ANKRD17: variants seen among roughly 807,000 people sequenced by gnomAD.
ANKRD17 encodes ankyrin repeat domain 17, also known as ankyrin repeat domain-containing protein 17.
In ANKRD17, 19 loss-of-function variants were observed where a neutral mutation model predicts 229.7. The observed-to-expected ratio is 0.08, with a 90% CI of 0.06 to 0.12. The LOEUF is 0.12. ANKRD17 is among the 10% of genes least tolerant of loss of function. ANKRD17 has a pLI of 1.00. For missense variants in ANKRD17, 2,176 were observed against 3,176.8 expected, an observed-to-expected ratio of 0.68 and a Z score of 7.57; for synonymous variants, 1,112 against 1,146.1, an observed-to-expected ratio of 0.97 and a Z score of 0.60.
intron 28 of ANKRD17, 151 bp downstream of exon 28, chr4:73,093,928 A>G: frequency 1.3e-6 from 1 of 744,356 alleles, no homozygotes; most frequent in South Asian, 2.9e-5. Flanking sequence ...AAAGAAAACT[A>G]TAAAATTTAT....
chr4:73,124,828 G>C, intron 18 of ANKRD17, 85 bp downstream of exon 18: 1 of 1,489,340 alleles, frequency 6.7e-7, no homozygotes, highest in Non-Finnish European at 9.1e-7. Context: ...TCAAAGCATT[G>C]TTCTGATAGA....
chr4:73,177,027 T>C (rs1005210188), intron 2 of ANKRD17, among the ~76,000 whole-genome samples: 38 of 152,216 alleles, frequency 2.5e-4, no homozygotes, highest in Admixed American at 5.9e-4. Context: ...GTGATTCAAA[T>C]GTTCCACCAC....
In ANKRD17 at chr4:73,161,225, G is replaced by A; in HGVS notation, c.671C>T (p.Ala224Val). The A allele has an allele frequency of 1.2e-6, 2 of 1,614,212 alleles. No individual in the cohort carries two copies. The highest frequency in any genetic ancestry group is 8.5e-7 in the Non-Finnish European group (1 of 1,180,038). The change falls in exon 3 of 34, where the codon GCT becomes GTT. Residue 224 changes from alanine to valine, a missense_variant. By Grantham distance (64) the Ala-to-Val change is moderately conservative. This residue lies in a region of ANKRD17 where 184 missense variants were observed against 357.8 expected (regional missense o/e 0.51). Transcript: ENST00000358602. Reference protein sequence around the residue: ...EAAAALTRMRAESTANAGQSD... With the variant: ...EAAAALTRMRVESTANAGQSD... ...CTGCCCTGCATTTGCTGTGCTTTCA[G>A]CTCTCATACGGGTAAGTGCAGCAGC...
At chr4:73,235,894 G>A (rs1019053810) in intron 1 of ANKRD17, among the ~76,000 whole-genome samples, 1 of 151,890 alleles carries the variant, frequency 6.6e-6, no homozygotes. Flanking sequence ...AATAGAGACA[G>A]GGTCTCACTA....
At chr4:73,252,945 A>G (rs1217357431) in intron 1 of ANKRD17, among the ~76,000 whole-genome samples, 1 of 152,230 alleles carries the variant, frequency 6.6e-6, no homozygotes, top group East Asian at 1.9e-4. Context: ...TGGCCGTCCA[A>G]CTGCAAAAAA....
chr4:73,074,368 G>T lies in ANKRD17; in HGVS notation c.*1863C>A, dbSNP rs1720878760. On this transcript the variant is annotated 3_prime_UTR_variant, in exon 34 of 34. Transcript: ENST00000358602. The stretch of plus-strand genomic sequence containing the variant: ...AATTTTATGTATAGAATAGTGGCAA[G>T]TCATATATAAAATACTTCGTTAAAT... 6.6e-6 allele frequency: 1 copy of T among 151,926 alleles called. No homozygotes were observed. The highest frequency in any genetic ancestry group is 1.5e-5 in the Non-Finnish European group (1 of 67,868). The allele number at this position is 151,926 out of a possible 1,614,324, so 9.4% of individuals were successfully genotyped here.
At chr4:73,175,136 A>G (rs951340956) in intron 2 of ANKRD17, among the ~76,000 whole-genome samples, 1 of 152,238 alleles carries the variant, frequency 6.6e-6, no homozygotes, top group Non-Finnish European at 1.5e-5. Context: ...TCAAGAAAAG[A>G]GGTTTAATTG....
At chr4:73,090,629 A>C (rs1262960741) in intron 29 of ANKRD17, 38 bp downstream of exon 29, 1 of 1,611,338 alleles carries the variant, frequency 6.2e-7, no homozygotes, top group South Asian at 1.1e-5. Flanking sequence ...CACTTGTGCA[A>C]ATGAACAGCT....
chr4:73,171,222 A>AGAGAGG (rs1733994626), intron 2 of ANKRD17, among the ~76,000 whole-genome samples: 1 of 138,118 alleles, frequency 7.2e-6, no homozygotes, highest in Non-Finnish European at 1.6e-5. Flanking sequence ...AGAGAGAGAG[A>AGAGAGG]CTGAGACTCC....
At chr4:73,079,028 G>T (rs954754213) in intron 30 of ANKRD17, 138 bp from the exon 31 acceptor site, 6 of 1,075,556 alleles carry the variant, frequency 5.6e-6, no homozygotes, top group Non-Finnish European at 7.7e-6. Flanking sequence ...ACTTAAAAAT[G>T]ATGCATATTA....
At chr4:73,155,312 C>T (rs796865635) in intron 5 of ANKRD17, among the ~76,000 whole-genome samples, 13 of 152,244 alleles carry the variant, frequency 8.5e-5, no homozygotes, top group African/African-American at 3.1e-4. Flanking sequence ...CATTCCTCTC[C>T]TAAAAAACTG....
chr4:73,078,205 C>T lies in ANKRD17; in HGVS notation c.7408+437G>A, dbSNP rs573624761. On this transcript the variant is annotated intron_variant, in intron 31 of 33. Transcript: ENST00000358602. The stretch of plus-strand genomic sequence containing the variant: ...CATCCTGGCTAACACGGTGAAACCC[C>T]GTCTCTACTAAAAATACAAAAATTA... Among the ~76,000 whole-genome samples the T allele has an allele frequency of 2.0e-5, 3 of 152,022 alleles. No individual in the cohort carries two copies. In the East Asian group the frequency reaches 5.8e-4, roughly 29 times the overall value.
At position 73,098,135 on chromosome 4, in the gene ANKRD17, T is replaced by C. The variant is rs772370985; in HGVS notation, c.4959A>G (p.Pro1653=). 1.2e-6 allele frequency: 2 copies of C among 1,613,782 alleles called. No individual in the cohort carries two copies. Among genetic ancestry groups the C allele is most frequent in the Non-Finnish European group, 8.5e-7 (1 of 1,179,684 alleles). ...CCTTTGGAAATGTAACAAGAACTGA[T>C]GGCTGCTTTTTGCTGCTCACAGTGG... ...VTTTVSSKKQ[P]SVLVTFPKEE... Residue 1653 remains proline (P), a synonymous_variant, in exon 26 of 34, where the codon CCA becomes CCG. Transcript: ENST00000358602.
intron 24 of ANKRD17, among the ~76,000 whole-genome samples, chr4:73,104,795 A>G (rs966040519): frequency 1.3e-5 from 2 of 152,106 alleles, no homozygotes; most frequent in African/African-American, 4.8e-5. Context: ...TAAAAGAATA[A>G]GAGTTTTAAT....
At chr4:73,223,244 G>A (rs1742095556) in intron 1 of ANKRD17, 1 of 402,010 alleles carries the variant, frequency 2.5e-6, no homozygotes, top group Non-Finnish European at 4.4e-6. Context: ...GCAAACTTCT[G>A]TCAAGTAATT....
chr4:73,183,902 ATTAC>A (rs1262378875), intron 1 of ANKRD17, among the ~76,000 whole-genome samples: 1 of 152,184 alleles, frequency 6.6e-6, no homozygotes, highest in Non-Finnish European at 1.5e-5. Flanking sequence ...TAACAGTAAT[ATTAC>A]TTAGATTTCT....
intron 18 of ANKRD17, among the ~76,000 whole-genome samples, chr4:73,122,929 T>A (rs1037673747): frequency 6.6e-6 from 1 of 152,066 alleles, no homozygotes; most frequent in Non-Finnish European, 1.5e-5. Flanking sequence ...ACATCCAATA[T>A]ACAACAAAAA....
In ANKRD17 at chr4:73,208,000, A is replaced by G. The variant is rs532280701; in HGVS notation, c.394-30467T>C. Among the ~76,000 whole-genome samples the G allele has an allele frequency of 5.5e-4, 84 of 152,254 alleles. No individual in the cohort carries two copies. In the Middle Eastern group the frequency reaches 0.01, roughly 18 times the overall value. On this transcript the variant is annotated intron_variant, in intron 1 of 33. Transcript: ENST00000358602. ...TCAGGAGATCGAGACCATCCTGGCT[A>G]ACACGGTGAAACCCCGTTTCCACTA... is the stretch of plus-strand genomic sequence containing the variant.
At chr4:73,221,053 T>A (rs564053509) in intron 1 of ANKRD17, among the ~76,000 whole-genome samples, 2 of 152,180 alleles carry the variant, frequency 1.3e-5, no homozygotes, top group Admixed American at 6.5e-5. Context: ...TTTTTAGCAC[T>A]GTGTCATTAT....
Sources: gnomAD v4.1 joint callset for allele counts (sites outside exome capture counted in the v4.1 genomes callset) on GRCh38, gnomAD v4.1.1 for gene constraint, gnomAD v4.1.1 regional missense constraint, MANE v1.5 for transcripts, NCBI Gene and HGNC (gene_info 2026-07-23, HGNC 2026-07-21) for gene names.